The following XIRP2 variants were observed in gnomAD, a reference collection of about 807,000 sequenced individuals.
XIRP2 encodes the protein xin actin-binding repeat-containing protein 2.
XIRP2 carries 236 observed loss-of-function variants against 277.0 expected under a neutral mutation model. That is an observed-to-expected ratio of 0.85 (90% CI 0.77 to 0.95). The LOEUF (loss-of-function observed/expected upper bound fraction) is 0.95. XIRP2 is among the 40% of genes least tolerant of loss of function. The probability of loss-of-function intolerance (pLI) is 0.00; values close to 1 mark genes in which losing one functional copy is unlikely to be tolerated. For missense variants in XIRP2, 4,640 were observed against 4,157.5 expected, an observed-to-expected ratio of 1.12 and a Z score of -3.19; for synonymous variants, 1,490 against 1,416.5, an observed-to-expected ratio of 1.05 and a Z score of -1.17.
chr2:166,981,362 G>A (rs1042405273), intron 2 of XIRP2, among the ~76,000 whole-genome samples: 5 of 151,362 alleles, frequency 3.3e-5, no homozygotes, highest in African/African-American at 1.2e-4. Context: ...TTCACATGGT[G>A]TATTTCCTCT....
At chr2:166,965,720 A>C (rs1166385353) in intron 2 of XIRP2, among the ~76,000 whole-genome samples, 2 of 151,832 alleles carry the variant, frequency 1.3e-5, no homozygotes, top group Admixed American at 6.6e-5. Context: ...AGTAGCTGGG[A>C]ACACAAGCAT....
At position 167,259,487 on chromosome 2, in the gene XIRP2, C is replaced by T. The variant is rs931946591; in HGVS notation, c.*1670C>T. On this transcript the variant is annotated 3_prime_UTR_variant, in exon 11 of 11. Transcript: ENST00000409195. ...ATGTAAACATGGTGTTCAGAAATCTCGTGTCTATCTCAATGGGATATTTCT... is the reference window on the plus strand; with the variant it reads ...ATGTAAACATGGTGTTCAGAAATCTTGTGTCTATCTCAATGGGATATTTCT... The T allele has an allele frequency of 7.6e-6, 7 of 922,554 alleles. No homozygotes were observed. The highest frequency in any genetic ancestry group is 1.7e-5 in the African/African-American group (1 of 58,704). 57.1% of individuals were successfully genotyped at this position (922,554 alleles called of 1,614,324 possible). A position where few individuals can be genotyped will look rare whatever the true frequency, so the allele number is the denominator to read the frequency against.
At chr2:166,923,935 A>G (rs560113701) in intron 2 of XIRP2, among the ~76,000 whole-genome samples, 1 of 152,150 alleles carries the variant, frequency 6.6e-6, no homozygotes, top group South Asian at 2.1e-4. Context: ...GTGAGGTTGG[A>G]ATACTCCTGA....
chr2:167,111,433 C>T (rs1690751096), intron 2 of XIRP2, among the ~76,000 whole-genome samples: 1 of 151,908 alleles, frequency 6.6e-6, no homozygotes, highest in African/African-American at 2.4e-5. Context: ...TGAGATAATC[C>T]TATGGTTTCT....
At chr2:167,184,396 G>A (rs10497320) in intron 3 of XIRP2, 52,727 of 595,792 alleles carry the variant, frequency 0.088, 2,797 homozygotes, top group Middle Eastern at 0.18. Context: ...TTGGCCTTAC[G>A]ATTGTATCCT....
At chr2:167,233,758 C>CT in intron 5 of XIRP2, among the ~76,000 whole-genome samples, 1 of 151,732 alleles carries the variant, frequency 6.6e-6, no homozygotes, top group South Asian at 2.1e-4. Flanking sequence ...CTGTAAGACT[C>CT]TAAGTTTCAG....
chr2:167,038,185 A>G (rs1163090658), intron 2 of XIRP2, among the ~76,000 whole-genome samples: 1 of 152,002 alleles, frequency 6.6e-6, no homozygotes, highest in Non-Finnish European at 1.5e-5. Flanking sequence ...ATTTTAATTT[A>G]CTGTTTTGTT....
At position 167,250,908 on chromosome 2, in the gene XIRP2, T is replaced by C. The variant is rs377287488; in HGVS notation, c.9516T>C (p.Pro3172=). ...AAATTCACAGAGCAAACACTTCCCCTTCTCCACCCAGGAGTCGCTCTGAAC... is the reference window on the plus strand; with the variant it reads ...AAATTCACAGAGCAAACACTTCCCCCTCTCCACCCAGGAGTCGCTCTGAAC... ...KSEIHRANTS[P]SPPRSRSEQL... The change falls in exon 9 of 11, where the codon CCT becomes CCC. Residue 3172 remains proline (P), a synonymous_variant. Transcript: ENST00000409195. 219 of 1,612,914 alleles carry C rather than the reference T, an allele frequency of 1.4e-4. No homozygotes were observed. The highest frequency in any genetic ancestry group is 1.8e-4 in the Non-Finnish European group (213 of 1,179,648).
chr2:167,164,153 T>C (rs2105343274), intron 3 of XIRP2, among the ~76,000 whole-genome samples: 1 of 152,210 alleles, frequency 6.6e-6, no homozygotes, highest in East Asian at 1.9e-4. Context: ...AATTAACTTG[T>C]GAATTGGCCG....
chr2:167,079,075 T>C (rs1689658899), intron 2 of XIRP2, among the ~76,000 whole-genome samples: 1 of 152,178 alleles, frequency 6.6e-6, no homozygotes, highest in South Asian at 2.1e-4. Flanking sequence ...TGAAAGGATG[T>C]TGGATTTTAT....
chr2:166,890,861 T>C (rs905280043), intron 1 of XIRP2, among the ~76,000 whole-genome samples: 1 of 152,134 alleles, frequency 6.6e-6, no homozygotes. Context: ...TAAGGATGAG[T>C]TTATTTTTCT....
chr2:167,168,863 C>T (rs560937726), intron 3 of XIRP2, among the ~76,000 whole-genome samples: 8 of 152,178 alleles, frequency 5.3e-5, no homozygotes, highest in Non-Finnish European at 1.0e-4. Flanking sequence ...ATCCGCCTGC[C>T]TCAGCCTCCC....
chr2:167,047,604 CT>C (rs991296932), intron 2 of XIRP2, among the ~76,000 whole-genome samples: 5 of 151,824 alleles, frequency 3.3e-5, no homozygotes, highest in African/African-American at 1.2e-4. Flanking sequence ...AGTAACGAAA[CT>C]TTTTTTAAAA....
chr2:167,069,717 G>A (rs139882216), intron 2 of XIRP2, among the ~76,000 whole-genome samples: 5 of 152,256 alleles, frequency 3.3e-5, no homozygotes, highest in African/African-American at 1.2e-4. Context: ...TCTTGCCCAT[G>A]CGCAGAATTG....
At chr2:167,116,865 T>G (rs966046097) in intron 2 of XIRP2, among the ~76,000 whole-genome samples, 1 of 152,218 alleles carries the variant, frequency 6.6e-6, no homozygotes, top group African/African-American at 2.4e-5. Context: ...CTGTGAAGAT[T>G]CACTGTACCA....
intron 2 of XIRP2, among the ~76,000 whole-genome samples, chr2:166,975,353 C>G (rs1686682519): frequency 6.6e-6 from 1 of 152,062 alleles, no homozygotes; most frequent in Admixed American, 6.5e-5. Flanking sequence ...ATCATTTTTT[C>G]AAGTGCATAT....
intron 2 of XIRP2, among the ~76,000 whole-genome samples, chr2:167,133,253 C>T (rs938655478): frequency 2.6e-5 from 4 of 152,260 alleles, no homozygotes; most frequent in Middle Eastern, 3.4e-3. Flanking sequence ...AAACAGATTA[C>T]GAGAGATTAA....
At chr2:167,032,084 T>A (rs549360356) in intron 2 of XIRP2, among the ~76,000 whole-genome samples, 1 of 152,294 alleles carries the variant, frequency 6.6e-6, no homozygotes, top group African/African-American at 2.4e-5. Flanking sequence ...CAAAACAGTA[T>A]GGTACTGGTA....
At chr2:167,187,212 T>C in intron 3 of XIRP2, 1 of 980,846 alleles carries the variant, frequency 1.0e-6, no homozygotes, top group Non-Finnish European at 1.2e-6. Context: ...CATACATTAC[T>C]GAGGGCACTA....
Sources: gnomAD v4.1 joint callset for allele counts (sites outside exome capture counted in the v4.1 genomes callset) on GRCh38, gnomAD v4.1.1 for gene constraint, MANE v1.5 for transcripts, NCBI Gene and HGNC (gene_info 2026-07-23, HGNC 2026-07-21) for gene names.